SECISBP2L: variants seen among roughly 807,000 people sequenced by gnomAD.
SECISBP2L encodes the protein selenocysteine insertion sequence-binding protein 2-like.
SECISBP2L carries 43 observed loss-of-function variants against 114.7 expected under a neutral mutation model. That is an observed-to-expected ratio of 0.38 (90% confidence interval 0.29 to 0.48). The LOEUF (loss-of-function observed/expected upper bound fraction) is 0.48, where lower values mean the gene tolerates loss of function less well. SECISBP2L is among the 20% of genes least tolerant of loss of function. SECISBP2L has a pLI of 0.98. For synonymous variants in SECISBP2L, 451 were observed against 439.7 expected, an observed-to-expected ratio of 1.03 and a Z score of -0.32; for missense variants, 1,136 against 1,301.1, an observed-to-expected ratio of 0.87 and a Z score of 1.95.
chr15:49,027,324 T>A, intron 7 of SECISBP2L, 41 bp downstream of exon 7: 1 of 1,420,208 alleles, frequency 7.0e-7, no homozygotes, highest in Non-Finnish European at 9.9e-7. Flanking sequence ...AAATGACTCA[T>A]CTCATACCTA....
intron 1 of SECISBP2L, among the ~76,000 whole-genome samples, chr15:49,038,956 C>T (rs1451241201): frequency 6.6e-6 from 1 of 151,976 alleles, no homozygotes; most frequent in Admixed American, 6.6e-5. Context: ...TTTCATGTTT[C>T]TCACAAAAGC....
chr15:48,994,362 G>A (rs571114772), intron 17 of SECISBP2L, among the ~76,000 whole-genome samples: 1 of 151,966 alleles, frequency 6.6e-6, no homozygotes, highest in African/African-American at 2.4e-5. Context: ...TAACATCTTC[G>A]TAACCGGTTT....
At chr15:49,013,623 C>A (rs941768882) in intron 11 of SECISBP2L, among the ~76,000 whole-genome samples, 7 of 152,122 alleles carry the variant, frequency 4.6e-5, no homozygotes, top group African/African-American at 1.4e-4. Context: ...CTGGTTGATA[C>A]CCTCAGTTTC....
chr15:49,040,721 G>C (rs545783698), intron 1 of SECISBP2L, among the ~76,000 whole-genome samples: 1 of 150,426 alleles, frequency 6.6e-6, no homozygotes, highest in South Asian at 2.1e-4. Flanking sequence ...TGAATTTTTA[G>C]TAGAGACGGG....
chr15:49,027,071 T>C (rs1940476955), intron 7 of SECISBP2L, among the ~76,000 whole-genome samples: 1 of 152,246 alleles, frequency 6.6e-6, no homozygotes, highest in Non-Finnish European at 1.5e-5. Context: ...TTTGAATTTT[T>C]ATGTGGGAAA....
chr15:49,005,984 T>C (rs546970696), intron 14 of SECISBP2L, among the ~76,000 whole-genome samples: 2 of 152,170 alleles, frequency 1.3e-5, no homozygotes, highest in African/African-American at 4.8e-5. Context: ...CTTGTCTGTA[T>C]AGGATTTTAT....
chr15:48,996,628 C>T lies in SECISBP2L; in HGVS notation c.2404-42G>A, dbSNP rs750305334. 9 of 1,532,986 alleles carry T rather than the reference C, an allele frequency of 5.9e-6. No individual in the cohort carries two copies. The East Asian group carries it at 1.1e-4, about 19-fold the overall frequency. 95.0% of individuals were successfully genotyped at this position (1,532,986 alleles called of 1,614,324 possible). A position where few individuals can be genotyped will look rare whatever the true frequency, so the allele number is the denominator to read the frequency against. On this transcript the variant is annotated intron_variant, in intron 16 of 17. Coordinates refer to ENST00000559471, the MANE Select transcript of SECISBP2L (RefSeq NM_001193489.2). ...TTTTGATTAATCCATTTTTTTGTTA[C>T]ACTTTTTATTCCTATTATGGATAAT...
intron 14 of SECISBP2L, among the ~76,000 whole-genome samples, chr15:49,003,090 T>C (rs1465147871): frequency 1.3e-5 from 2 of 152,240 alleles, no homozygotes; most frequent in East Asian, 1.9e-4. Context: ...GAGCATGGAA[T>C]GTTTTTCAAT....
At chr15:49,035,244 G>C in intron 3 of SECISBP2L, 90 bp downstream of exon 3, 1 of 1,065,782 alleles carries the variant, frequency 9.4e-7, no homozygotes, top group South Asian at 1.6e-5. Context: ...AGTAAATTCA[G>C]CATTAATGGT....
intron 14 of SECISBP2L, among the ~76,000 whole-genome samples, chr15:49,007,667 CAT>C (rs1450910980): frequency 1.3e-5 from 2 of 152,204 alleles, no homozygotes; most frequent in Admixed American, 6.5e-5. Context: ...TAAAAACAAA[CAT>C]AATGATTTTG....
intron 8 of SECISBP2L, 60 bp downstream of exon 8, chr15:49,019,354 CAAAT>C (rs1902596616): frequency 8.0e-7 from 1 of 1,247,822 alleles, no homozygotes; most frequent in South Asian, 2.7e-5. Context: ...CACAATGTAA[CAAAT>C]TAATTTCTTA....
At chr15:49,020,568 T>A (rs1015515615) in intron 7 of SECISBP2L, among the ~76,000 whole-genome samples, 18 of 152,132 alleles carry the variant, frequency 1.2e-4, no homozygotes, top group African/African-American at 4.3e-4. Flanking sequence ...AGTGCAGTAG[T>A]GTGATCACAG....
chr15:49,033,336 C>T (rs1902937157), intron 3 of SECISBP2L, among the ~76,000 whole-genome samples: 1 of 152,066 alleles, frequency 6.6e-6, no homozygotes, highest in African/African-American at 2.4e-5. Flanking sequence ...TAATAATTAA[C>T]ACAAGTATGA....
At chr15:49,027,208 A>G (rs1281377535) in intron 7 of SECISBP2L, among the ~76,000 whole-genome samples, 157 bp downstream of exon 7, 2 of 152,212 alleles carry the variant, frequency 1.3e-5, no homozygotes. Context: ...TTGTTTCATT[A>G]TTTAAGTAAG....
At chr15:48,994,908 A>T (rs982542134) in intron 17 of SECISBP2L, among the ~76,000 whole-genome samples, 1 of 151,872 alleles carries the variant, frequency 6.6e-6, no homozygotes, top group Non-Finnish European at 1.5e-5. Flanking sequence ...TATGAAAAAA[A>T]ATTTTAAAGG....
chr15:49,032,887 G>T, intron 4 of SECISBP2L, 78 bp downstream of exon 4: 1 of 1,541,452 alleles, frequency 6.5e-7, no homozygotes, highest in South Asian at 1.2e-5. Context: ...CTGACAAGTG[G>T]TTCAGACCAC....
intron 17 of SECISBP2L, among the ~76,000 whole-genome samples, chr15:48,995,036 G>A (rs1430959872): frequency 6.6e-6 from 1 of 151,682 alleles, no homozygotes; most frequent in Non-Finnish European, 1.5e-5. Context: ...GCAGAGTATA[G>A]AAAAACCAAG....
chr15:48,996,835 T>C (rs1254134203), intron 16 of SECISBP2L, among the ~76,000 whole-genome samples: 2 of 152,228 alleles, frequency 1.3e-5, no homozygotes, highest in Admixed American at 6.5e-5. Context: ...ATGTGATATA[T>C]TAAAAGTTCT....
chr15:49,022,253 G>C (rs1313693365), intron 7 of SECISBP2L, among the ~76,000 whole-genome samples: 2 of 152,204 alleles, frequency 1.3e-5, no homozygotes, highest in East Asian at 1.9e-4. Context: ...AAGTAGCTAG[G>C]ACTATGGGTG....
Sources: gnomAD v4.1 joint callset for allele counts (sites outside exome capture counted in the v4.1 genomes callset) on GRCh38, gnomAD v4.1.1 for gene constraint, MANE v1.5 for transcripts, NCBI Gene and HGNC (gene_info 2026-07-23, HGNC 2026-07-21) for gene names.